NAALADL2: variants seen among roughly 807,000 people sequenced by gnomAD.
NAALADL2 encodes the protein N-acetylated alpha-linked acidic dipeptidase like 2.
Under a neutral mutation model 87.2 loss-of-function variants are expected in NAALADL2, and 76 were observed. The ratio of observed to expected loss-of-function variants is 0.87; its 90% CI spans 0.72 to 1.05. NAALADL2 has a LOEUF of 1.05. NAALADL2 is among the 50% of genes least tolerant of loss of function. The probability of loss-of-function intolerance (pLI) is 0.00; values close to 1 mark genes in which losing one functional copy is unlikely to be tolerated. For synonymous variants in NAALADL2, 354 were observed against 331.0 expected, an observed-to-expected ratio of 1.07 and a Z score of -0.75; for missense variants, 1,089 against 945.8, an observed-to-expected ratio of 1.15 and a Z score of -1.99.
chr3:175,658,674 T>G (rs1235271285), intron 11 of NAALADL2, among the ~76,000 whole-genome samples: 3 of 152,166 alleles, frequency 2.0e-5, no homozygotes, highest in Non-Finnish European at 4.4e-5. Flanking sequence ...GTTCCTCAAA[T>G]GCAGAAATAT....
intron 1 of NAALADL2, among the ~76,000 whole-genome samples, chr3:174,471,934 T>C (rs1716933784): frequency 6.6e-6 from 1 of 152,162 alleles, no homozygotes; most frequent in Non-Finnish European, 1.5e-5. Flanking sequence ...TGATGATAGC[T>C]GTATCAGTGC....
intron 2 of NAALADL2, among the ~76,000 whole-genome samples, chr3:174,580,171 A>G (rs1056352006): frequency 6.6e-6 from 1 of 152,110 alleles, no homozygotes; most frequent in African/African-American, 2.4e-5. Flanking sequence ...AATATATAAC[A>G]GAAAAGGGTC....
chr3:175,633,396 A>G (rs1015694453), intron 11 of NAALADL2, among the ~76,000 whole-genome samples: 3 of 152,090 alleles, frequency 2.0e-5, no homozygotes, highest in African/African-American at 7.2e-5. Context: ...TAAATACTCA[A>G]TTAATGATCA....
chr3:174,813,083 C>T (rs1560249128), intron 3 of NAALADL2, among the ~76,000 whole-genome samples: 1 of 152,102 alleles, frequency 6.6e-6, no homozygotes, highest in Non-Finnish European at 1.5e-5. Flanking sequence ...TCACTCACCG[C>T]TCACTCACTG....
intron 1 of NAALADL2, among the ~76,000 whole-genome samples, chr3:175,029,262 G>A (rs946832000): frequency 5.9e-5 from 9 of 151,808 alleles, no homozygotes; most frequent in African/African-American, 1.7e-4. Context: ...ATTCTTTCAC[G>A]TCTCTCTTGT....
At chr3:175,660,039 T>C (rs1412247390) in intron 11 of NAALADL2, among the ~76,000 whole-genome samples, 1 of 152,138 alleles carries the variant, frequency 6.6e-6, no homozygotes, top group Non-Finnish European at 1.5e-5. Context: ...GGGATAAATA[T>C]TTGATCACCG....
chr3:175,800,049 C>T (rs1451306110), intron 13 of NAALADL2, among the ~76,000 whole-genome samples: 1 of 152,074 alleles, frequency 6.6e-6, no homozygotes, highest in Non-Finnish European at 1.5e-5. Flanking sequence ...ATAGTTTATT[C>T]CCAGATTGCA....
chr3:175,689,599 C>T (rs1408614825), intron 11 of NAALADL2, among the ~76,000 whole-genome samples: 1 of 152,122 alleles, frequency 6.6e-6, no homozygotes, highest in East Asian at 1.9e-4. Flanking sequence ...AGTATTCCTC[C>T]TCAGCCACGA....
intron 11 of NAALADL2, among the ~76,000 whole-genome samples, chr3:175,683,692 T>C (rs2149890307): frequency 6.6e-6 from 1 of 152,094 alleles, no homozygotes; most frequent in South Asian, 2.1e-4. Flanking sequence ...GAGTTAAATT[T>C]TGTTATTTGT....
intron 1 of NAALADL2, among the ~76,000 whole-genome samples, chr3:174,920,510 C>T (rs959728497): frequency 6.6e-6 from 1 of 152,142 alleles, no homozygotes; most frequent in East Asian, 1.9e-4. Context: ...TTCATAGAAC[C>T]GAAGAGTTTT....
At chr3:175,302,711 G>A (rs150355331) in intron 4 of NAALADL2, among the ~76,000 whole-genome samples, 2,095 of 152,058 alleles carry the variant, frequency 0.014, 51 homozygotes, top group African/African-American at 0.047. Context: ...AAAATAGTAC[G>A]TAGTAGAGAG....
At chr3:174,870,176 T>C (rs1727643748) in intron 1 of NAALADL2, among the ~76,000 whole-genome samples, 1 of 152,102 alleles carries the variant, frequency 6.6e-6, no homozygotes, top group Admixed American at 6.5e-5. Context: ...GGAATATTTA[T>C]TCTCCATTGT....
intron 1 of NAALADL2, among the ~76,000 whole-genome samples, chr3:174,452,693 G>A (rs1715566898): frequency 6.6e-6 from 1 of 151,718 alleles, no homozygotes; most frequent in African/African-American, 2.4e-5. Context: ...TCCTCCAGAA[G>A]CCAAACCAGT....
At chr3:175,089,024 GA>G (rs11425531) in intron 1 of NAALADL2, among the ~76,000 whole-genome samples, 7 of 150,658 alleles carry the variant, frequency 4.6e-5, no homozygotes, top group Non-Finnish European at 8.9e-5. Flanking sequence ...AACAGCAGGA[GA>G]AAAAAAAAAT....
At chr3:175,500,534 T>C (rs1390342566) in intron 9 of NAALADL2, among the ~76,000 whole-genome samples, 2 of 152,146 alleles carry the variant, frequency 1.3e-5, no homozygotes, top group Non-Finnish European at 2.9e-5. Context: ...GCCTCCCATG[T>C]ATCAGAATGT....
intron 5 of NAALADL2, among the ~76,000 whole-genome samples, chr3:175,395,133 T>C (rs1581712221): frequency 6.6e-6 from 1 of 152,046 alleles, no homozygotes; most frequent in African/African-American, 2.4e-5. Context: ...AAGTGACTAA[T>C]GGGCAGGTCC....
intron 2 of NAALADL2, among the ~76,000 whole-genome samples, chr3:175,134,626 C>T (rs1728813358): frequency 6.6e-6 from 1 of 152,202 alleles, no homozygotes; most frequent in South Asian, 2.1e-4. Flanking sequence ...AGTATAGATG[C>T]TGTCTCCATT....
At chr3:174,799,148 C>T (rs557804552) in intron 3 of NAALADL2, among the ~76,000 whole-genome samples, 42 of 147,860 alleles carry the variant, frequency 2.8e-4, no homozygotes, top group East Asian at 2.2e-3. Context: ...CCAGCCTGGG[C>T]GACAGAGCAA....
intron 3 of NAALADL2, among the ~76,000 whole-genome samples, chr3:174,837,532 G>A (rs182535863): frequency 2.6e-5 from 4 of 152,148 alleles, no homozygotes; most frequent in East Asian, 1.9e-4. Context: ...AGTGGCTCAC[G>A]CCTGTAATCC....
Sources: gnomAD v4.1 joint callset for allele counts (sites outside exome capture counted in the v4.1 genomes callset) on GRCh38, gnomAD v4.1.1 for gene constraint, MANE v1.5 for transcripts, NCBI Gene and HGNC (gene_info 2026-07-23, HGNC 2026-07-21) for gene names.